Variants in MAP7 observed in about 807,000 individuals in gnomAD.
MAP7 encodes microtubule associated protein 7, also known as ensconsin.
MAP7 carries 52 observed loss-of-function variants against 94.8 expected under a neutral mutation model. The observed-to-expected ratio is 0.55, with a 90% CI of 0.44 to 0.69. MAP7 has a LOEUF of 0.69. Ranked by LOEUF, MAP7 falls within the 30% of genes least tolerant of loss-of-function variation. The probability of loss-of-function intolerance (pLI) is 0.00; values close to 1 mark genes in which losing one functional copy is unlikely to be tolerated. For missense variants in MAP7, 940 were observed against 964.6 expected, an observed-to-expected ratio of 0.97 and a Z score of 0.34; for synonymous variants, 350 against 357.0, an observed-to-expected ratio of 0.98 and a Z score of 0.22.
At chr6:136,536,203 A>C (rs1177189917) in intron 1 of MAP7, among the ~76,000 whole-genome samples, 2 of 152,200 alleles carry the variant, frequency 1.3e-5, no homozygotes, top group Non-Finnish European at 2.9e-5. Context: ...ATTAATTTCC[A>C]AGAAGTAGAT....
intron 1 of MAP7, among the ~76,000 whole-genome samples, chr6:136,485,023 CGTAACATTAATAT>C (rs770782060): frequency 2.0e-4 from 30 of 152,120 alleles, no homozygotes; most frequent in Non-Finnish European, 3.5e-4. Context: ...AGCTGTGAAT[CGTAACATTAATAT>C]TCTTAATCAC....
intron 1 of MAP7, among the ~76,000 whole-genome samples, chr6:136,466,565 T>C (rs1807159395): frequency 1.3e-5 from 2 of 152,112 alleles, no homozygotes; most frequent in African/African-American, 4.8e-5. Flanking sequence ...ATAAATATCA[T>C]TTTATTTAAT....
chr6:136,525,975 CTTG>C, intron 1 of MAP7: 4 of 1,459,500 alleles, frequency 2.7e-6, no homozygotes, highest in East Asian at 5.2e-5. Flanking sequence ...ACCGCTGCTA[CTTG>C]TTTTTTTTTT....
chr6:136,455,813 C>T (rs1802699162), intron 1 of MAP7, among the ~76,000 whole-genome samples: 1 of 151,994 alleles, frequency 6.6e-6, no homozygotes, highest in South Asian at 2.1e-4. Flanking sequence ...ATATGAAGCT[C>T]TAAAATCAAG....
chr6:136,460,765 C>T (rs1804935907), intron 1 of MAP7, among the ~76,000 whole-genome samples: 1 of 152,060 alleles, frequency 6.6e-6, no homozygotes, highest in Admixed American at 6.6e-5. Context: ...TCATAATAAA[C>T]ACCACAGTGA....
rs761416489 is a variant in MAP7, at chr6:136,347,626, G to A, written c.2016-1547C>T. On this transcript the variant is annotated intron_variant, in intron 16 of 17. Coordinates refer to ENST00000354570, the MANE Select transcript of MAP7 (RefSeq NM_003980.6). The stretch of plus-strand genomic sequence containing the variant: ...TCTTCGTGTTGGCCAGGATGGTCTC[G>A]AACTCCTGGCCTCGAGTGATCTGCC... Among the ~76,000 whole-genome samples the A allele has an allele frequency of 6.6e-5, 10 of 152,108 alleles. No homozygotes were observed. In the South Asian group the frequency reaches 2.1e-3, roughly 32 times the overall value.
intron 1 of MAP7, among the ~76,000 whole-genome samples, chr6:136,525,312 G>A (rs1827528382): frequency 1.3e-5 from 2 of 152,176 alleles, no homozygotes; most frequent in African/African-American, 2.4e-5. Flanking sequence ...CTCAATGTTT[G>A]CTGTGCTCCT....
At chr6:136,513,486 A>C (rs1429144880) in intron 1 of MAP7, among the ~76,000 whole-genome samples, 7 of 152,200 alleles carry the variant, frequency 4.6e-5, no homozygotes, top group Non-Finnish European at 8.8e-5. Flanking sequence ...TTCAGGCTCT[A>C]CTTCTAATTC....
chr6:136,415,238 C>T (rs12210315), intron 2 of MAP7, among the ~76,000 whole-genome samples: 8,770 of 152,224 alleles, frequency 0.058, 353 homozygotes, highest in Admixed American at 0.12. Context: ...CATAAACTGC[C>T]GCACCCAGCC....
chr6:136,481,844 T>C (rs547612227), intron 1 of MAP7, among the ~76,000 whole-genome samples: 1 of 152,366 alleles, frequency 6.6e-6, no homozygotes, highest in African/African-American at 2.4e-5. Flanking sequence ...TTATGTATTA[T>C]ATGCCTGTAT....
In MAP7 at chr6:136,366,374, T is replaced by C; in HGVS notation, c.942A>G (p.Val314=). The C allele has an allele frequency of 5.6e-6, 9 of 1,614,232 alleles. No individual in the cohort carries two copies. Among genetic ancestry groups the C allele is most frequent in the Non-Finnish European group, 3.4e-6 (4 of 1,180,038 alleles). The change falls in exon 9 of 18, where the codon GTA becomes GTG. Residue 314 remains valine, a synonymous_variant. Transcript: ENST00000354570. ...LFLTSGTRRA[V]SPSNPKARQP... The stretch of plus-strand genomic sequence containing the variant: ...GTCTTGCTTTGGGATTAGATGGAGA[T>C]ACAGCCCTTCGGGTGCCAGATGTGA...
chr6:136,404,448 G>C (rs1395741606), intron 3 of MAP7, among the ~76,000 whole-genome samples: 1 of 150,462 alleles, frequency 6.6e-6, no homozygotes, highest in Non-Finnish European at 1.5e-5. Flanking sequence ...TTGTTCAAAG[G>C]TTAAAACTTT....
intron 1 of MAP7, among the ~76,000 whole-genome samples, chr6:136,544,684 T>G (rs1391284050): frequency 6.6e-6 from 1 of 152,228 alleles, no homozygotes; most frequent in African/African-American, 2.4e-5. Flanking sequence ...GACCTCTATT[T>G]TTCTCTTTTA....
At chr6:136,432,379 T>C (rs1020072307) in intron 1 of MAP7, among the ~76,000 whole-genome samples, 2 of 152,214 alleles carry the variant, frequency 1.3e-5, no homozygotes, top group African/African-American at 2.4e-5. Context: ...TGGTTCGTTA[T>C]ATTAAAGCAG....
At chr6:136,381,977 A>G (rs1777921771) in intron 6 of MAP7, among the ~76,000 whole-genome samples, 1 of 151,534 alleles carries the variant, frequency 6.6e-6, no homozygotes, top group Non-Finnish European at 1.5e-5. Flanking sequence ...GACACCCATG[A>G]AGGTGAGAAC....
intron 1 of MAP7, among the ~76,000 whole-genome samples, chr6:136,433,809 G>A (rs188256312): frequency 2.4e-4 from 36 of 152,302 alleles, no homozygotes; most frequent in African/African-American, 7.9e-4. Flanking sequence ...GGAGCAAAAG[G>A]GTGGAAGAAC....
intron 2 of MAP7, among the ~76,000 whole-genome samples, chr6:136,419,587 A>G (rs1245067454): frequency 3.3e-5 from 5 of 152,152 alleles, no homozygotes; most frequent in Non-Finnish European, 2.9e-5. Context: ...TGTGTACCTT[A>G]AGTAATATAT....
chr6:136,450,610 C>T (rs1800804653), intron 1 of MAP7, among the ~76,000 whole-genome samples: 1 of 151,920 alleles, frequency 6.6e-6, no homozygotes, highest in Non-Finnish European at 1.5e-5. Context: ...CATGGAGAAA[C>T]CCCATCTTTA....
rs58514388 is a variant in MAP7 at position 136,506,437 on chromosome 6, G to A, written c.67+43905C>T. Among the ~76,000 whole-genome samples, 858 of 152,176 alleles carry A rather than the reference G, an allele frequency of 5.6e-3. 4 individuals are homozygous for A. Among genetic ancestry groups the A allele is most frequent in the East Asian group, 0.039 (204 of 5,176 alleles). On this transcript the variant is annotated intron_variant, in intron 1 of 17. Transcript: ENST00000354570. Reference sequence around the variant, plus strand: ...TGTGGGGAGGGAAGGGCATTGGTAGGAGTTTTTAGAGGACACAATCCACAG... The same window carrying A: ...TGTGGGGAGGGAAGGGCATTGGTAGAAGTTTTTAGAGGACACAATCCACAG...
Sources: gnomAD v4.1 joint callset for allele counts (sites outside exome capture counted in the v4.1 genomes callset) on GRCh38, gnomAD v4.1.1 for gene constraint, MANE v1.5 for transcripts, NCBI Gene and HGNC (gene_info 2026-07-23, HGNC 2026-07-21) for gene names.